The following STIM2 variants were observed in gnomAD, a reference collection of about 807,000 sequenced individuals.
STIM2 encodes stromal interaction molecule 2.
STIM2 carries 31 observed loss-of-function variants against 85.8 expected under a neutral mutation model. The observed-to-expected ratio is 0.36, with a 90% CI of 0.27 to 0.49. The LOEUF (loss-of-function observed/expected upper bound fraction) is 0.49, where lower values mean the gene tolerates loss of function less well. STIM2 is among the 20% of genes least tolerant of loss of function. The probability of loss-of-function intolerance (pLI) is 0.98; values close to 1 mark genes in which losing one functional copy is unlikely to be tolerated. For synonymous variants in STIM2, 356 were observed against 331.1 expected, an observed-to-expected ratio of 1.08 and a Z score of -0.82; for missense variants, 841 against 927.6, an observed-to-expected ratio of 0.91 and a Z score of 1.21.
Position 26,968,469 on chromosome 4 carries a change from C to A in STIM2, c.397+10743C>A, listed in dbSNP as rs184806081. On this transcript the variant is annotated intron_variant, in intron 3 of 11. Transcript: ENST00000467087. ...ACTTCCGTGAGGTACTTAGAGTAGT[C>A]AGAATCATAGAGACAGAAAGTAGAA... Among the ~76,000 whole-genome samples, 7 of 152,206 alleles carry A rather than the reference C, an allele frequency of 4.6e-5. No individual in the cohort carries two copies. The East Asian group carries it at 1.4e-3, about 29-fold the overall frequency.
At position 26,987,508 on chromosome 4, in the gene STIM2, C is replaced by A. The variant is rs545883879; in HGVS notation, c.398-7871C>A. ...ATTTTACCTCCCCATACTCTCTCAT[C>A]TCCTGGAATTTCGATTCCATACATC... On this transcript the variant is annotated intron_variant, in intron 3 of 11. Coordinates refer to ENST00000467087, the MANE Select transcript of STIM2 (RefSeq NM_020860.4). 1.0e-3 allele frequency among the ~76,000 whole-genome samples: 155 copies of A among 152,180 alleles called. 1 individual carries two copies. The highest frequency in any genetic ancestry group is 1.6e-3 in the Non-Finnish European group (109 of 68,032).
intron 2 of STIM2, among the ~76,000 whole-genome samples, chr4:26,923,590 C>T (rs1202817454): frequency 3.7e-5 from 5 of 134,840 alleles, no homozygotes; most frequent in Admixed American, 3.1e-4. Context: ...ATGTAAAGAC[C>T]ATCGAGACTA....
intron 3 of STIM2, among the ~76,000 whole-genome samples, chr4:26,982,673 T>G (rs1427467873): frequency 2.6e-5 from 4 of 152,196 alleles, no homozygotes; most frequent in Admixed American, 6.5e-5. Flanking sequence ...AATTGCTGTT[T>G]AGAAACCAAG....
chr4:26,922,207 C>A (rs970605008), intron 2 of STIM2, among the ~76,000 whole-genome samples: 3 of 151,930 alleles, frequency 2.0e-5, no homozygotes, highest in African/African-American at 7.2e-5. Context: ...TACTCCTTTT[C>A]TCTGTTTGTA....
chr4:26,893,270 C>T (rs1051641025), intron 1 of STIM2, among the ~76,000 whole-genome samples: 1 of 152,190 alleles, frequency 6.6e-6, no homozygotes, highest in African/African-American at 2.4e-5. Flanking sequence ...CATAGTCCCT[C>T]TTCTTAATCA....
intron 1 of STIM2, chr4:26,881,720 C>G (rs1560193059): frequency 6.6e-6 from 1 of 152,140 alleles, no homozygotes; most frequent in Non-Finnish European, 1.5e-5. Context: ...AATTTTGCAT[C>G]TTTTAAAAAT....
At chr4:26,978,175 A>G (rs937429105) in intron 3 of STIM2, among the ~76,000 whole-genome samples, 1 of 151,706 alleles carries the variant, frequency 6.6e-6, no homozygotes, top group Admixed American at 6.6e-5. Context: ...ACTCTGATAC[A>G]TGAAGGGAGA....
intron 1 of STIM2, among the ~76,000 whole-genome samples, chr4:26,899,248 T>C (rs1421164250): frequency 6.6e-6 from 1 of 152,108 alleles, no homozygotes; most frequent in East Asian, 1.9e-4. Context: ...TATTTTCTAA[T>C]GTTAAACCAA....
intron 2 of STIM2, among the ~76,000 whole-genome samples, chr4:26,920,253 T>C (rs1008659573): frequency 4.6e-5 from 7 of 152,148 alleles, no homozygotes; most frequent in Non-Finnish European, 5.9e-5. Flanking sequence ...GTTGCTAATT[T>C]ATTGGCCAAG....
chr4:26,901,191 T>A (rs1361063157), intron 1 of STIM2, among the ~76,000 whole-genome samples: 1 of 152,202 alleles, frequency 6.6e-6, no homozygotes, highest in African/African-American at 2.4e-5. Flanking sequence ...GAAAATATGT[T>A]TTGCACATTT....
intron 1 of STIM2, among the ~76,000 whole-genome samples, chr4:26,905,944 A>G (rs1560202163): frequency 6.6e-6 from 1 of 152,056 alleles, no homozygotes; most frequent in East Asian, 1.9e-4. Flanking sequence ...TTGGCTGTTT[A>G]TGTGTGTGTG....
intron 1 of STIM2, among the ~76,000 whole-genome samples, chr4:26,907,770 G>C (rs1436611139): frequency 2.0e-5 from 3 of 152,174 alleles, no homozygotes; most frequent in Non-Finnish European, 4.4e-5. Flanking sequence ...AAAGGGATTG[G>C]TTGGCTGTTT....
At chr4:26,957,582 A>G (rs749677256) in intron 2 of STIM2, 30 bp from the exon 3 acceptor site, 36 of 1,248,460 alleles carry the variant, frequency 2.9e-5, no homozygotes, top group Non-Finnish European at 3.4e-5. Context: ...TAATGAATTT[A>G]TATTTAACTT....
intron 2 of STIM2, among the ~76,000 whole-genome samples, chr4:26,921,618 A>T (rs569120828): frequency 6.6e-6 from 1 of 152,364 alleles, no homozygotes; most frequent in South Asian, 2.1e-4. Flanking sequence ...CTGTAAATTA[A>T]GCTCCTGTGT....
intron 3 of STIM2, among the ~76,000 whole-genome samples, chr4:26,981,813 A>G (rs1727406659): frequency 6.6e-6 from 1 of 152,200 alleles, no homozygotes; most frequent in Non-Finnish European, 1.5e-5. Context: ...CTGGACTATC[A>G]CAGGAGTGAT....
At chr4:26,963,302 G>A (rs1726552879) in intron 3 of STIM2, among the ~76,000 whole-genome samples, 1 of 152,134 alleles carries the variant, frequency 6.6e-6, no homozygotes, top group South Asian at 2.1e-4. Flanking sequence ...TTTTTCTTCT[G>A]GGTATGAAAG....
chr4:26,881,061 G>T (rs1487756124), intron 1 of STIM2, among the ~76,000 whole-genome samples: 1 of 152,112 alleles, frequency 6.6e-6, no homozygotes, highest in Non-Finnish European at 1.5e-5. Flanking sequence ...AAATTTATAT[G>T]TTGAAACCTA....
At chr4:26,861,479 A>G in intron 1 of STIM2, 110 bp downstream of exon 1, 1 of 1,230,522 alleles carries the variant, frequency 8.1e-7, no homozygotes, top group Non-Finnish European at 1.0e-6. Flanking sequence ...GGCTCCGGCC[A>G]GGGCGCGATG....
At chr4:26,970,231 ATATATATATATATATG>A (rs1560224046) in intron 3 of STIM2, among the ~76,000 whole-genome samples, 6,133 of 30,378 alleles carry the variant, frequency 0.2, 177 homozygotes, top group East Asian at 0.3. Context: ...ATGTATATAT[ATATATATATATATATG>A]TATGTATTTT....
Sources: allele counts gnomAD v4.1 joint callset (sites outside exome capture counted in the v4.1 genomes callset), GRCh38; gene constraint gnomAD v4.1.1; transcripts MANE v1.5; gene names NCBI Gene and HGNC (gene_info 2026-07-23, HGNC 2026-07-21).